Variants in CPNE7 observed in about 807,000 individuals in gnomAD.
CPNE7 encodes the protein copine-7.
A neutral mutation model predicts 66.5 loss-of-function variants in CPNE7; 78 were observed. That is an observed-to-expected ratio of 1.17 (90% confidence interval 0.98 to 1.42). CPNE7 has a LOEUF of 1.42. Among genes scored for constraint, CPNE7 ranks in the 40% most tolerant of loss-of-function variants. The pLI, the probability that CPNE7 is intolerant of heterozygous loss-of-function variation, is 0.00. For missense variants in CPNE7, 1,012 were observed against 776.6 expected, an observed-to-expected ratio of 1.30 and a Z score of -3.60; for synonymous variants, 468 against 336.7, an observed-to-expected ratio of 1.39 and a Z score of -4.27.
chr16:89,589,506 G>A (rs549477126), intron 10 of CPNE7, among the ~76,000 whole-genome samples: 80 of 152,276 alleles, frequency 5.3e-4, no homozygotes, highest in African/African-American at 1.9e-3. Context: ...ACAGACCCCT[G>A]GCCTGGGGCT....
chr16:89,584,967 G>T lies in CPNE7; in HGVS notation c.591+110G>T. On this transcript the variant is annotated intron_variant, in intron 5 of 14. Transcript: ENST00000319518. This position sits in a 1 kb window ranked among gnomAD's most constrained non-coding sequence, Gnocchi z 6.0. ...CAGCCTCCAACAGGGAGCTGTGGGCGCAGGGCTTTGGTGGCTGTGGCTATG... is the reference window on the plus strand; with the variant it reads ...CAGCCTCCAACAGGGAGCTGTGGGCTCAGGGCTTTGGTGGCTGTGGCTATG... 1.0e-6 allele frequency: 1 copy of T among 993,774 alleles called. No individual in the cohort carries two copies. Among genetic ancestry groups the T allele is most frequent in the Non-Finnish European group, 1.5e-6 (1 of 651,282 alleles). 61.6% of individuals were successfully genotyped at this position (993,774 alleles called of 1,614,324 possible).
chr16:89,577,141 G>C (rs2058872422), intron 1 of CPNE7, among the ~76,000 whole-genome samples: 2 of 152,192 alleles, frequency 1.3e-5, no homozygotes, highest in South Asian at 4.1e-4. Context: ...GGAGAGGCTG[G>C]TGAGCCCATG....
chr16:89,596,363 G>A, intron 14 of CPNE7, 121 bp from the exon 15 acceptor site: 1 of 1,362,738 alleles, frequency 7.3e-7, no homozygotes, highest in Non-Finnish European at 9.9e-7. Context: ...TGAGCCTCTG[G>A]TGGGGGTGGG....
At chr16:89,587,406 C>T (rs2151443137) in intron 9 of CPNE7, 3 of 322,256 alleles carry the variant, frequency 9.3e-6, no homozygotes, top group South Asian at 4.3e-5. Flanking sequence ...TGGCGGTTCC[C>T]CGTGAGCCGA....
At chr16:89,593,675 AT>A (rs1175557694) in intron 13 of CPNE7, among the ~76,000 whole-genome samples, 4 of 152,192 alleles carry the variant, frequency 2.6e-5, no homozygotes, top group Non-Finnish European at 5.9e-5. Flanking sequence ...TTCAGTGTAT[AT>A]TTCCTAAGAT....
chr16:89,575,936 C>T lies in CPNE7; in HGVS notation c.39C>T (p.Pro13=), dbSNP rs1408829726. The change falls in exon 1 of 15, where the codon CCC becomes CCT. Residue 13 remains proline, a synonymous_variant. Transcript: ENST00000319518. ...CGGAGCGCGGGGCGGCGGCAACCCC[C>T]GGGGGTTTGCCCGCGCCCTGCGCCT... ...AGSERGAAAT[P]GGLPAPCASK... The T allele has an allele frequency of 3.0e-6, 4 of 1,321,062 alleles. No individual in the cohort carries two copies. In the African/African-American group the frequency reaches 6.2e-5, roughly 20 times the overall value. The allele number at this position is 1,321,062 out of a possible 1,614,324, so 81.8% of individuals were successfully genotyped here.
In CPNE7 at chr16:89,587,081, C is replaced by T. The variant is rs756795929; in HGVS notation, c.906C>T (p.Gly302=). 11 of 1,573,194 alleles carry T rather than the reference C, an allele frequency of 7.0e-6. No homozygotes were observed. In the East Asian group the frequency reaches 7.0e-5, roughly 10 times the overall value. ...ACTCCTTCCTGGACTATATCATGGG[C>T]GGCTGCCAGATCCACTTCACCGTGA... ...RVYSFLDYIM[G]GCQIHFTVAI... The change falls in exon 9 of 15, where the codon GGC becomes GGT. Residue 302 remains glycine (G), a synonymous_variant. Transcript: ENST00000319518.
Position 89,575,771 on chromosome 16 carries a change from C to T in CPNE7, c.-127C>T, listed in dbSNP as rs1316611338. 1 of 670,362 alleles carries T rather than the reference C, an allele frequency of 1.5e-6. No individual in the cohort carries two copies. The highest frequency in any genetic ancestry group is 1.9e-6 in the Non-Finnish European group (1 of 539,092). The allele number at this position is 670,362 out of a possible 1,614,324, so 41.5% of individuals were successfully genotyped here. A position where few individuals can be genotyped will look rare whatever the true frequency, so the allele number is the denominator to read the frequency against. On this transcript the variant is annotated 5_prime_UTR_variant, in exon 1 of 15. Coordinates refer to ENST00000319518, the MANE Select transcript of CPNE7 (RefSeq NM_153636.3). ...GCCGCCCGAGCCACGTGCGCCCGCG[C>T]CCGGCAGGCGTTCAGGGAAGCGCGG...
intron 9 of CPNE7, among the ~76,000 whole-genome samples, chr16:89,588,266 G>T (rs1186515487): frequency 6.6e-6 from 1 of 151,826 alleles, no homozygotes; most frequent in Non-Finnish European, 1.5e-5. Flanking sequence ...AGATGCGCTG[G>T]TTCGTGTTTT....
intron 9 of CPNE7, 109 bp from the exon 10 acceptor site, chr16:89,588,566 G>T: frequency 7.1e-7 from 1 of 1,414,966 alleles, no homozygotes; most frequent in South Asian, 1.3e-5. Flanking sequence ...CCACCTACGC[G>T]ACCCCTGACC....
At chr16:89,587,190 CG>C (rs2059062252) in intron 9 of CPNE7, 88 bp downstream of exon 9, 1 of 518,372 alleles carries the variant, frequency 1.9e-6, no homozygotes, top group Admixed American at 3.3e-5. Context: ...CGCCCCTCCC[CG>C]CCCCCTCAGT....
In CPNE7 at chr16:89,575,824, G is replaced by A. The variant is rs1164006641; in HGVS notation, c.-74G>A. The stretch of plus-strand genomic sequence containing the variant: ...ACGCCTGGGCCGGCCACCATTTCCC[G>A]GGCGCCGCGGCGGCGCCGACTCGCG... On this transcript the variant is annotated 5_prime_UTR_variant, in exon 1 of 15. Coordinates refer to ENST00000319518, the MANE Select transcript of CPNE7 (RefSeq NM_153636.3). 7 of 1,059,020 alleles carry A rather than the reference G, an allele frequency of 6.6e-6. No individual in the cohort carries two copies. The highest frequency in any genetic ancestry group is 8.1e-6 in the Non-Finnish European group (7 of 866,556). The allele number at this position is 1,059,020 out of a possible 1,614,324, so 65.6% of individuals were successfully genotyped here.
At chr16:89,580,978 A>G (rs352937) in intron 2 of CPNE7, among the ~76,000 whole-genome samples, 141,328 of 143,512 alleles carry the variant, frequency 0.98, 69,605 homozygotes, top group Non-Finnish European at 1. Flanking sequence ...CATCTCACCC[A>G]TCACACGGAA....
intron 2 of CPNE7, among the ~76,000 whole-genome samples, chr16:89,580,309 G>GT (rs2058932362): frequency 8.1e-6 from 1 of 124,206 alleles, no homozygotes; most frequent in African/African-American, 3.3e-5. Context: ...CCCGTCACCC[G>GT]CTGACACAGA....
intron 5 of CPNE7, among the ~76,000 whole-genome samples, chr16:89,585,220 C>T (rs571269308): frequency 6.6e-6 from 1 of 152,294 alleles, no homozygotes; most frequent in East Asian, 1.9e-4. Flanking sequence ...GCAGGTGGCT[C>T]AGAGGTGGCA....
Position 89,584,382 on chromosome 16 carries a change from C to T in CPNE7, c.507+280C>T, listed in dbSNP as rs946016760. On this transcript the variant is annotated intron_variant, in intron 4 of 14. Transcript: ENST00000319518. The surrounding 1 kb of genome is among the most constrained non-coding windows in gnomAD (Gnocchi z 6.0). ...AGGGATGGGGAAATAGGCCCAGCAC[C>T]CCCGAGGCCACTGTCGTGACAGGAG... Among the ~76,000 whole-genome samples the T allele has an allele frequency of 2.6e-5, 4 of 152,230 alleles. No individual in the cohort carries two copies. The highest frequency in any genetic ancestry group is 5.9e-5 in the Non-Finnish European group (4 of 68,038).
chr16:89,583,456 C>T (rs2058986080), intron 2 of CPNE7: 2 of 1,550,562 alleles, frequency 1.3e-6, no homozygotes, highest in Non-Finnish European at 1.7e-6. Flanking sequence ...ATGATGACCT[C>T]TGCCTCCCCT....
At chr16:89,596,275 C>G (rs373806344) in intron 14 of CPNE7, among the ~76,000 whole-genome samples, 2 of 152,250 alleles carry the variant, frequency 1.3e-5, no homozygotes, top group South Asian at 4.1e-4. Flanking sequence ...TTTTCATCTC[C>G]GTGCTTGGGG....
At chr16:89,588,200 TCACCCGCG>T (rs1228319492) in intron 9 of CPNE7, among the ~76,000 whole-genome samples, 31 of 14,882 alleles carry the variant, frequency 2.1e-3, no homozygotes, top group Non-Finnish European at 5.3e-3. Flanking sequence ...GGCCCCCGTG[TCACCCGCG>T]TGTCACCCAC....
Sources: allele counts gnomAD v4.1 joint callset (sites outside exome capture counted in the v4.1 genomes callset), GRCh38; gene constraint gnomAD v4.1.1; non-coding constraint Gnocchi (gnomAD v3.1); transcripts MANE v1.5; gene names NCBI Gene and HGNC (gene_info 2026-07-23, HGNC 2026-07-21).